CDH13: variants seen among roughly 807,000 people sequenced by gnomAD.
The protein encoded by CDH13 is cadherin 13, also known as cadherin-13.
Under a neutral mutation model 63.8 loss-of-function variants are expected in CDH13, and 24 were observed. The observed-to-expected ratio is 0.38, with a 90% CI of 0.27 to 0.53. The LOEUF (loss-of-function observed/expected upper bound fraction) is 0.53, where lower values mean the gene tolerates loss of function less well. Among genes scored for constraint, CDH13 ranks in the 20% least tolerant of loss-of-function variants. The probability of loss-of-function intolerance (pLI) is 0.85; values close to 1 mark genes in which losing one functional copy is unlikely to be tolerated. For synonymous variants in CDH13, 503 were observed against 355.3 expected (o/e 1.42, Z -4.67); for missense variants, 1,049 against 903.1 (o/e 1.16, Z -2.07).
At chr16:82,885,469 A>ATCCC (rs1474585156) in intron 2 of CDH13, among the ~76,000 whole-genome samples, 1 of 91,174 alleles carries the variant, frequency 1.1e-5, no homozygotes. Context: ...CCACCTACCC[A>ATCCC]TCCATCCATC....
At chr16:82,690,730 A>AGAT (rs1915563901) in intron 1 of CDH13, among the ~76,000 whole-genome samples, 1 of 152,254 alleles carries the variant, frequency 6.6e-6, no homozygotes, top group Non-Finnish European at 1.5e-5. Context: ...GAAACATGGT[A>AGAT]GATATCCTTA....
chr16:83,502,939 G>A (rs750681915), intron 7 of CDH13, among the ~76,000 whole-genome samples: 2 of 152,188 alleles, frequency 1.3e-5, no homozygotes, highest in African/African-American at 2.4e-5. Flanking sequence ...TGCCTGAGTT[G>A]GTAAAAGTGC....
chr16:82,678,281 G>A (rs1469144281), intron 1 of CDH13, among the ~76,000 whole-genome samples: 2 of 148,484 alleles, frequency 1.3e-5, no homozygotes, highest in Non-Finnish European at 3.0e-5. Flanking sequence ...TTTTCTTAAC[G>A]TTGGTTTAAA....
intron 2 of CDH13, among the ~76,000 whole-genome samples, chr16:82,898,774 G>C (rs905319952): frequency 1.3e-5 from 2 of 152,208 alleles, no homozygotes; most frequent in Non-Finnish European, 2.9e-5. Context: ...GTAGTGGAGA[G>C]AAAAGCTTCA....
chr16:82,962,051 G>C (rs559029573), intron 2 of CDH13, among the ~76,000 whole-genome samples: 1 of 152,178 alleles, frequency 6.6e-6, no homozygotes, highest in African/African-American at 2.4e-5. Flanking sequence ...GTGGCCCACT[G>C]GAAGACACCC....
intron 6 of CDH13, among the ~76,000 whole-genome samples, chr16:83,444,231 G>A (rs1383119683): frequency 6.6e-6 from 1 of 152,160 alleles, no homozygotes; most frequent in Non-Finnish European, 1.5e-5. Flanking sequence ...TAGTAATGAT[G>A]ATGATGATGA....
rs536022062 is a variant in CDH13, at chr16:82,791,619, C to T, written c.46-66743C>T. ...ACCATCCACCACTGTTGTTTGCTGC[C>T]GTCGCAGACCCGTGGCTGACTTCCA... On this transcript the variant is annotated intron_variant, in intron 1 of 13. Coordinates refer to ENST00000567109, the MANE Select transcript of CDH13 (RefSeq NM_001257.5). 1.0e-3 allele frequency among the ~76,000 whole-genome samples: 155 copies of T among 152,298 alleles called. 1 individual carries two copies. Among genetic ancestry groups the T allele is most frequent in the African/African-American group, 3.4e-3 (142 of 41,578 alleles).
intron 9 of CDH13, among the ~76,000 whole-genome samples, chr16:83,676,486 G>A (rs1007832774): frequency 6.6e-6 from 1 of 152,170 alleles, no homozygotes; most frequent in Non-Finnish European, 1.5e-5. Flanking sequence ...CCCTGGCCCT[G>A]GTTTGAGGTT....
At chr16:83,317,275 C>A (rs1380175170) in intron 5 of CDH13, among the ~76,000 whole-genome samples, 3 of 152,210 alleles carry the variant, frequency 2.0e-5, no homozygotes, top group Non-Finnish European at 4.4e-5. Flanking sequence ...GTAGGCATGG[C>A]ATCTTACCAG....
intron 5 of CDH13, among the ~76,000 whole-genome samples, chr16:83,334,001 G>A (rs891419017): frequency 5.3e-5 from 8 of 152,160 alleles, no homozygotes; most frequent in African/African-American, 7.2e-5. Context: ...CAAGGTGTCC[G>A]CAGGGCTACC....
intron 6 of CDH13, among the ~76,000 whole-genome samples, chr16:83,476,565 TG>T (rs768343765): frequency 2.0e-5 from 3 of 152,094 alleles, no homozygotes; most frequent in Non-Finnish European, 4.4e-5. Context: ...CCAAGCTACT[TG>T]GAAGGCTGAG....
chr16:82,935,333 G>A (rs984245149), intron 2 of CDH13, among the ~76,000 whole-genome samples: 2 of 152,130 alleles, frequency 1.3e-5, no homozygotes, highest in African/African-American at 4.8e-5. Flanking sequence ...CACCTCCCAT[G>A]AGGTCCCTCC....
intron 6 of CDH13, among the ~76,000 whole-genome samples, chr16:83,418,942 T>C (rs2071631869): frequency 3.3e-5 from 5 of 152,148 alleles, no homozygotes; most frequent in Admixed American, 2.6e-4. Flanking sequence ...TCTCTTCTGA[T>C]AGGGAATGGC....
At chr16:83,361,710 C>A (rs190526211) in intron 6 of CDH13, among the ~76,000 whole-genome samples, 1 of 152,032 alleles carries the variant, frequency 6.6e-6, no homozygotes, top group Non-Finnish European at 1.5e-5. Context: ...TTATTTGTAT[C>A]GGCTTTGTGG....
chr16:82,645,618 C>T (rs1272688349), intron 1 of CDH13, among the ~76,000 whole-genome samples: 1 of 152,088 alleles, frequency 6.6e-6, no homozygotes, highest in African/African-American at 2.4e-5. Context: ...AAACTCTGAT[C>T]CAAATGCATA....
chr16:83,193,442 T>C (rs181913861), intron 4 of CDH13, among the ~76,000 whole-genome samples: 16 of 152,246 alleles, frequency 1.1e-4, no homozygotes, highest in South Asian at 2.1e-4. Flanking sequence ...AAGACACACA[T>C]TGTATTTCTC....
At chr16:83,019,847 A>AAAAC (rs1204287705) in intron 2 of CDH13, among the ~76,000 whole-genome samples, 1 of 151,712 alleles carries the variant, frequency 6.6e-6, no homozygotes, top group African/African-American at 2.4e-5. Context: ...AAAAAAAAAA[A>AAAAC]AAAAAAACAA....
chr16:82,836,833 C>G (rs942072418), intron 1 of CDH13, among the ~76,000 whole-genome samples: 3 of 152,210 alleles, frequency 2.0e-5, no homozygotes, highest in African/African-American at 4.8e-5. Context: ...TCATAACCCA[C>G]CTTTCCATTC....
chr16:82,926,995 G>C (rs1254326506), intron 2 of CDH13, among the ~76,000 whole-genome samples: 1 of 149,804 alleles, frequency 6.7e-6, no homozygotes, highest in East Asian at 1.9e-4. Context: ...GTTTTTCACG[G>C]TGTCAGTTAG....
Sources: allele counts gnomAD v4.1 joint callset (sites outside exome capture counted in the v4.1 genomes callset), GRCh38; gene constraint gnomAD v4.1.1; transcripts MANE v1.5; gene names NCBI Gene and HGNC (gene_info 2026-07-23, HGNC 2026-07-21).